The following BAG3 variants were observed in gnomAD, a reference collection of about 807,000 sequenced individuals.
The protein encoded by BAG3 is BAG cochaperone 3.
A neutral mutation model predicts 40.5 loss-of-function variants in BAG3; 14 were observed. That is an observed-to-expected ratio of 0.35 (90% confidence interval 0.23 to 0.54). BAG3 has a LOEUF of 0.54. Among genes scored for constraint, BAG3 ranks in the 20% least tolerant of loss-of-function variants. The pLI is 0.91. For synonymous variants in BAG3, 302 were observed against 307.8 expected (o/e 0.98, Z 0.20); for missense variants, 788 against 758.6 (o/e 1.04, Z -0.46).
At chr10:119,663,691 G>T (rs1381034079) in intron 1 of BAG3, among the ~76,000 whole-genome samples, 1 of 152,100 alleles carries the variant, frequency 6.6e-6, no homozygotes, top group East Asian at 1.9e-4. Flanking sequence ...GTGTAGTTAG[G>T]AGTAGTCGTT....
intron 1 of BAG3, among the ~76,000 whole-genome samples, chr10:119,669,506 C>T (rs542959999): frequency 5.8e-4 from 89 of 152,316 alleles, no homozygotes; most frequent in Non-Finnish European, 1.0e-3. Flanking sequence ...TCTTCTGATC[C>T]GGGTCTCTGA....
At position 119,651,770 on chromosome 10, in the gene BAG3, C is replaced by G. The variant is rs759915726; in HGVS notation, c.95C>G (p.Pro32Arg). 1.9e-6 allele frequency: 3 copies of G among 1,600,596 alleles called. No individual in the cohort carries two copies. The highest frequency in any genetic ancestry group is 2.7e-5 in the African/African-American group (2 of 73,870). Reference protein sequence around the residue: ...LPPGWEIKIDPQTGWPFFVDH... With the variant: ...LPPGWEIKIDRQTGWPFFVDH... Reference sequence around the variant, plus strand: ...CCCGGATGGGAGATCAAGATCGACCCGCAGACCGGCTGGCCCTTCTTCGTG... The same window carrying G: ...CCCGGATGGGAGATCAAGATCGACCGGCAGACCGGCTGGCCCTTCTTCGTG... The change falls in exon 1 of 4, where the codon CCG becomes CGG. Residue 32 changes from proline to arginine, a missense_variant. By Grantham distance (103) the Pro-to-Arg change is moderately radical (BLOSUM62 -2). Coordinates refer to ENST00000369085, the MANE Select transcript of BAG3 (RefSeq NM_004281.4).
chr10:119,669,800 G>T (rs916825146), intron 1 of BAG3, 51 bp from the exon 2 acceptor site: 26 of 1,559,522 alleles, frequency 1.7e-5, no homozygotes, highest in Non-Finnish European at 2.3e-5. Context: ...TGCCAGGAGG[G>T]TTCACTTCCC....
intron 3 of BAG3, among the ~76,000 whole-genome samples, chr10:119,675,753 T>TCCC (rs1564775812): frequency 4.5e-5 from 3 of 66,634 alleles, no homozygotes; most frequent in South Asian, 5.7e-4. Context: ...TTTTCCTTCT[T>TCCC]TCCTTCCTTC....
At chr10:119,670,239 G>A in intron 2 of BAG3, 62 bp downstream of exon 2, 3 of 1,540,922 alleles carry the variant, frequency 1.9e-6, no homozygotes, top group South Asian at 1.2e-5. Context: ...CCCAGGCCGG[G>A]CCCATCCCCT....
At chr10:119,675,758 TCCTTCCTTCCCTCCTTCCCTCCCCCTC>T in intron 3 of BAG3, among the ~76,000 whole-genome samples, 2 of 98,442 alleles carry the variant, frequency 2.0e-5, no homozygotes, top group Middle Eastern at 5.1e-3. Flanking sequence ...CTTCTTTCCT[TCCTTCCTTCCCTCCTTCCCTCCCCCTC>T]CCTTCCCCCC....
intron 3 of BAG3, among the ~76,000 whole-genome samples, chr10:119,675,885 CTTCCTTCCTTCCT>C (rs1847223715): frequency 3.7e-5 from 1 of 27,112 alleles, no homozygotes; most frequent in Non-Finnish European, 8.1e-5. Context: ...TCTCCCCTTC[CTTCCTTCCTTCCT>C]TCCCCCCTTC....
At chr10:119,659,319 G>A (rs1404343577) in intron 1 of BAG3, among the ~76,000 whole-genome samples, 1 of 152,180 alleles carries the variant, frequency 6.6e-6, no homozygotes, top group Non-Finnish European at 1.5e-5. Flanking sequence ...CAAGGGGAGG[G>A]TCTCCCTCAG....
intron 1 of BAG3, among the ~76,000 whole-genome samples, chr10:119,658,918 T>C (rs1846954426): frequency 6.6e-6 from 1 of 152,110 alleles, no homozygotes; most frequent in Non-Finnish European, 1.5e-5. Flanking sequence ...GGAGTAGAAG[T>C]GTGTTTGTGG....
chr10:119,658,973 G>A (rs541113896), intron 1 of BAG3, among the ~76,000 whole-genome samples: 2 of 152,136 alleles, frequency 1.3e-5, no homozygotes, highest in Admixed American at 6.5e-5. Flanking sequence ...CTGGCTGTCC[G>A]TGGGCCTTTC....
rs2134063421 is a variant in BAG3 at position 119,670,031 on chromosome 10, C to T, written c.361C>T (p.Arg121Ter). 1 of 1,614,232 alleles carries T rather than the reference C, an allele frequency of 6.2e-7. No individual in the cohort carries two copies. Among genetic ancestry groups the T allele is most frequent in the Non-Finnish European group, 8.5e-7 (1 of 1,180,048 alleles). ...FHVYPQPGMQ[R>*]FRTEAAAAAP... ...TGTCTATCCCCAGCCTGGGATGCAGCGATTCCGAACTGAGGCGGCAGCAGC... is the reference window on the plus strand; with the variant it reads ...TGTCTATCCCCAGCCTGGGATGCAGTGATTCCGAACTGAGGCGGCAGCAGC... The change falls in exon 2 of 4, where the codon CGA becomes TGA. Residue 121 changes from arginine (R) to a stop codon, truncating the protein, a stop_gained. Transcript: ENST00000369085. LOFTEE classifies it high-confidence loss of function.
chr10:119,662,308 A>G (rs1847005082), intron 1 of BAG3, among the ~76,000 whole-genome samples: 1 of 143,648 alleles, frequency 7.0e-6, no homozygotes, highest in Non-Finnish European at 1.5e-5. Context: ...ACCTCAAGTG[A>G]TCCGCCCGCC....
intron 3 of BAG3, among the ~76,000 whole-genome samples, chr10:119,673,541 G>A (rs1847180529): frequency 6.6e-6 from 1 of 152,220 alleles, no homozygotes; most frequent in East Asian, 1.9e-4. Context: ...CTTAGCAGCA[G>A]GACAGTCAGC....
intron 1 of BAG3, among the ~76,000 whole-genome samples, chr10:119,658,942 C>A (rs893329682): frequency 6.6e-5 from 10 of 152,156 alleles, no homozygotes; most frequent in Non-Finnish European, 1.3e-4. Flanking sequence ...GGTGTGTGGC[C>A]TCTCCACACA....
intron 3 of BAG3, among the ~76,000 whole-genome samples, chr10:119,675,741 T>A (rs893449537): frequency 4.9e-5 from 7 of 143,504 alleles, no homozygotes; most frequent in African/African-American, 1.5e-4. Context: ...TTTTTGCTAT[T>A]TTTTTCCTTC....
At chr10:119,664,449 C>A (rs7909225) in intron 1 of BAG3, among the ~76,000 whole-genome samples, 18,880 of 152,188 alleles carry the variant, frequency 0.12, 1,356 homozygotes, top group East Asian at 0.27. Flanking sequence ...CTGGGCTCTT[C>A]TTTCCTAATT....
chr10:119,670,524 G>A (rs1847136561), intron 2 of BAG3, among the ~76,000 whole-genome samples: 1 of 152,356 alleles, frequency 6.6e-6, no homozygotes, highest in Middle Eastern at 3.4e-3. Context: ...GCCTTCTGGC[G>A]CCTAATTTCC....
chr10:119,661,120 C>G (rs779802886), intron 1 of BAG3, among the ~76,000 whole-genome samples: 2 of 149,108 alleles, frequency 1.3e-5, no homozygotes, highest in Non-Finnish European at 3.0e-5. Context: ...ATTAGCTGGG[C>G]GTGGTGGCAG....
In BAG3 at chr10:119,672,779, C is replaced by G; in HGVS notation, c.909+123C>G. Reference sequence around the variant, plus strand: ...TATTTAACATGCGTGTACCTACAGGCAAGTGAGATTCGAGAAATTGCTAGG... The same window carrying G: ...TATTTAACATGCGTGTACCTACAGGGAAGTGAGATTCGAGAAATTGCTAGG... On this transcript the variant is annotated intron_variant, in intron 3 of 3. Transcript: ENST00000369085. This position sits in a 1 kb window ranked among gnomAD's most constrained non-coding sequence, Gnocchi z 4.8. The G allele has an allele frequency of 7.2e-7, 1 of 1,394,416 alleles. No homozygotes were observed. The highest frequency in any genetic ancestry group is 1.2e-5 in the South Asian group (1 of 82,534). 86.4% of individuals were successfully genotyped at this position (1,394,416 alleles called of 1,614,324 possible). A position where few individuals can be genotyped will look rare whatever the true frequency, so the allele number is the denominator to read the frequency against.
Sources: allele counts gnomAD v4.1 joint callset (sites outside exome capture counted in the v4.1 genomes callset), GRCh38; gene constraint gnomAD v4.1.1; non-coding constraint Gnocchi (gnomAD v3.1); transcripts MANE v1.5; gene names NCBI Gene and HGNC (gene_info 2026-07-23, HGNC 2026-07-21).